Variants in KCTD1 observed in about 807,000 individuals in gnomAD.
KCTD1 encodes the protein BTB/POZ domain-containing protein KCTD1.
In KCTD1, 24 loss-of-function variants were observed where a neutral mutation model predicts 66.0. The observed-to-expected ratio is 0.36, with a 90% CI of 0.26 to 0.51. The LOEUF is 0.51. Among genes scored for constraint, KCTD1 ranks in the 20% least tolerant of loss-of-function variants. The pLI, the probability that KCTD1 is intolerant of heterozygous loss-of-function variation, is 0.95. For synonymous variants in KCTD1, 511 were observed against 517.2 expected, an observed-to-expected ratio of 0.99 and a Z score of 0.16; for missense variants, 943 against 1,205.2, an observed-to-expected ratio of 0.78 and a Z score of 3.22.
At chr18:26,533,540 C>T (rs1037042139) in intron 1 of KCTD1, among the ~76,000 whole-genome samples, 3 of 152,138 alleles carry the variant, frequency 2.0e-5, no homozygotes, top group Admixed American at 1.3e-4. Context: ...TCCTCTGTAG[C>T]GCAGGCTGTA....
intron 1 of KCTD1, among the ~76,000 whole-genome samples, chr18:26,507,471 G>C (rs1983101216): frequency 6.6e-6 from 1 of 152,162 alleles, no homozygotes; most frequent in East Asian, 1.9e-4. Context: ...CTGGGGTCAA[G>C]CGATCCTCCT....
At chr18:26,642,356 C>T (rs1429019352), upstream of KCTD1, among the ~76,000 whole-genome samples, 4 of 152,162 alleles carry the variant, frequency 2.6e-5, no homozygotes, top group East Asian at 1.9e-4. Context: ...CGGTGCCTCT[C>T]GGGCGTGTCC....
chr18:26,550,573 C>CACACACACAG (rs1985521924), upstream of KCTD1, among the ~76,000 whole-genome samples: 1 of 129,210 alleles, frequency 7.7e-6, no homozygotes, highest in Non-Finnish European at 1.6e-5. This position sits in a 1 kb window ranked among gnomAD's most constrained non-coding sequence, Gnocchi z 5.4. Flanking sequence ...CAGACACACA[C>CACACACACAG]ACACACACAC....
intron 1 of KCTD1, among the ~76,000 whole-genome samples, chr18:26,571,856 G>A (rs1007390178): frequency 1.3e-5 from 2 of 152,114 alleles, no homozygotes; most frequent in South Asian, 2.1e-4. Context: ...AGGTGTCTAC[G>A]TGTATAATGT....
rs1414138442 is a variant in KCTD1, at chr18:26,546,985, T to C, written c.1552A>G (p.Lys518Glu). 3.3e-6 allele frequency: 4 copies of C among 1,225,184 alleles called. No homozygotes were observed. Among genetic ancestry groups the C allele is most frequent in the Non-Finnish European group, 4.2e-6 (4 of 961,096 alleles). The allele number at this position is 1,225,184 out of a possible 1,614,324, so 75.9% of individuals were successfully genotyped here. A position where few individuals can be genotyped will look rare whatever the true frequency, so the allele number is the denominator to read the frequency against. ...PSLGNTYILP[K>E]DSQVGPDVKS... ...ACGTCGGGCCCGACCTGGCTGTCTT[T>C]GGGGAGGATGTAAGTGTTCCCCAGC... Residue 518 changes from lysine (K) to glutamate (E), a missense_variant, in exon 1 of 5, where the codon AAA becomes GAA. By Grantham distance (56) the Lys-to-Glu change is moderately conservative. Transcript: ENST00000580059.
upstream of KCTD1, among the ~76,000 whole-genome samples, chr18:26,644,561 C>T: frequency 6.6e-6 from 1 of 152,054 alleles, no homozygotes; most frequent in Non-Finnish European, 1.5e-5. Flanking sequence ...AAGTTCGAGA[C>T]CAGCCTGGCC....
intron 1 of KCTD1, among the ~76,000 whole-genome samples, chr18:26,522,334 T>G (rs139671426): frequency 1.4e-3 from 218 of 152,236 alleles, no homozygotes; most frequent in African/African-American, 5.0e-3. Context: ...ATCGATCGGT[T>G]GATGTGTCTA....
Position 26,547,776 on chromosome 18 carries a change from G to T in KCTD1, c.761C>A (p.Pro254His). The change falls in exon 1 of 5, where the codon CCC becomes CAC. Residue 254 changes from proline (P) to histidine (H), a missense_variant. Pro to His is a moderately conservative substitution (Grantham distance 77, BLOSUM62 -2). Coordinates refer to ENST00000580059, the MANE Select transcript of KCTD1 (RefSeq NM_001142730.3). ...YCRTLDLTKD[P>H]ELRSANLTLA... ...CGTCAGGTTGGCGCTGCGCAGCTCG[G>T]GGTCCTTGGTGAGGTCGAGCGTGCG... 1 of 1,542,368 alleles carries T rather than the reference G, an allele frequency of 6.5e-7. No homozygotes were observed. The highest frequency in any genetic ancestry group is 8.7e-7 in the Non-Finnish European group (1 of 1,146,798).
intron 4 of KCTD1, chr18:26,458,225 T>C (rs1418125311): frequency 1.3e-5 from 2 of 152,464 alleles, no homozygotes; most frequent in East Asian, 1.9e-4. Context: ...TCCGCTAGCA[T>C]GCTTAGGGAA....
At chr18:26,521,106 G>T (rs1384093656) in intron 1 of KCTD1, among the ~76,000 whole-genome samples, 1 of 152,206 alleles carries the variant, frequency 6.6e-6, no homozygotes, top group Non-Finnish European at 1.5e-5. Flanking sequence ...ACAGGGACAG[G>T]CCAAGTCCTC....
chr18:26,556,106 A>C (rs759200802), intron 1 of KCTD1, among the ~76,000 whole-genome samples: 2 of 152,214 alleles, frequency 1.3e-5, no homozygotes, highest in Non-Finnish European at 2.9e-5. Context: ...ACTTTTTCTT[A>C]GGAAAGCTTA....
upstream of KCTD1, among the ~76,000 whole-genome samples, chr18:26,640,577 G>A (rs142390005): frequency 3.3e-5 from 5 of 152,282 alleles, no homozygotes; most frequent in African/African-American, 7.2e-5. Context: ...GCACATACAC[G>A]TGTCTGTGTG....
chr18:26,540,680 CTTA>C (rs1984936082), intron 1 of KCTD1, among the ~76,000 whole-genome samples: 1 of 152,096 alleles, frequency 6.6e-6, no homozygotes, highest in Non-Finnish European at 1.5e-5. Context: ...TTTTCTCTGT[CTTA>C]TGATTTTCTT....
At chr18:26,548,942 A>T, upstream of KCTD1, 3 of 986,484 alleles carry the variant, frequency 3.0e-6, no homozygotes, top group Non-Finnish European at 3.6e-6. Context: ...AGGGCCGGCG[A>T]GAGGGCGGGA....
chr18:26,656,536 C>T (rs1205716212), intron 1 of KCTD1, among the ~76,000 whole-genome samples: 1 of 151,710 alleles, frequency 6.6e-6, no homozygotes, highest in African/African-American at 2.4e-5. Context: ...TGGACCAGCC[C>T]GGCCGGCGAC....
chr18:26,609,484 A>C (rs1027565622), intron 1 of KCTD1, among the ~76,000 whole-genome samples: 15 of 152,298 alleles, frequency 9.8e-5, no homozygotes, highest in Non-Finnish European at 1.6e-4. Flanking sequence ...CCATGTCTAA[A>C]AGTGGTGTCT....
At chr18:26,523,368 C>T (rs979287345) in intron 1 of KCTD1, among the ~76,000 whole-genome samples, 2 of 152,150 alleles carry the variant, frequency 1.3e-5, no homozygotes, top group Admixed American at 6.6e-5. Flanking sequence ...ATGAAATTGT[C>T]GTGGGATTTG....
intron 1 of KCTD1, among the ~76,000 whole-genome samples, chr18:26,529,359 T>C (rs1984326817): frequency 6.6e-6 from 1 of 152,172 alleles, no homozygotes; most frequent in Non-Finnish European, 1.5e-5. Context: ...CCTTGAACTC[T>C]TCAGCTTTCT....
intron 2 of KCTD1, among the ~76,000 whole-genome samples, chr18:26,486,823 C>A (rs951173571): frequency 1.3e-5 from 2 of 152,132 alleles, no homozygotes; most frequent in African/African-American, 4.8e-5. Flanking sequence ...ATGGCCAAAC[C>A]AGCTATATCT....
Sources: allele counts gnomAD v4.1 joint callset (sites outside exome capture counted in the v4.1 genomes callset), GRCh38; gene constraint gnomAD v4.1.1; non-coding constraint Gnocchi (gnomAD v3.1); transcripts MANE v1.5; gene names NCBI Gene and HGNC (gene_info 2026-07-23, HGNC 2026-07-21).